MBNL1: variants seen among roughly 807,000 people sequenced by gnomAD.
The protein encoded by MBNL1 is muscleblind-like protein 1.
MBNL1 carries 8 observed loss-of-function variants against 42.2 expected under a neutral mutation model. That is an observed-to-expected ratio of 0.19 (90% CI 0.11 to 0.34). The LOEUF (loss-of-function observed/expected upper bound fraction) is 0.34, where lower values mean the gene tolerates loss of function less well. Ranked by LOEUF, MBNL1 falls within the 10% of genes least tolerant of loss-of-function variation. The probability of loss-of-function intolerance (pLI) is 1.00; values close to 1 mark genes in which losing one functional copy is unlikely to be tolerated. For synonymous variants in MBNL1, 169 were observed against 173.9 expected (o/e 0.97, Z 0.22); for missense variants, 309 against 495.3 (o/e 0.62, Z 3.57).
At chr3:152,384,392 T>C (rs895513705) in intron 2 of MBNL1, among the ~76,000 whole-genome samples, 2 of 152,200 alleles carry the variant, frequency 1.3e-5, no homozygotes, top group Admixed American at 1.3e-4. Flanking sequence ...AGAAAGATAA[T>C]TGAAAATAAA....
At chr3:152,441,444 T>A (rs1465332750) in intron 4 of MBNL1, among the ~76,000 whole-genome samples, 1 of 152,182 alleles carries the variant, frequency 6.6e-6, no homozygotes, top group African/African-American at 2.4e-5. Flanking sequence ...TTGTGAAGAT[T>A]CCTTAGCTAG....
chr3:152,303,246 A>G (rs1053578084), intron 2 of MBNL1, among the ~76,000 whole-genome samples: 2 of 152,178 alleles, frequency 1.3e-5, no homozygotes, highest in Non-Finnish European at 2.9e-5. Context: ...ATACATGACA[A>G]CGAGGAATGT....
At chr3:152,274,139 T>C (rs906387834) in intron 1 of MBNL1, among the ~76,000 whole-genome samples, 4 of 152,218 alleles carry the variant, frequency 2.6e-5, no homozygotes, top group African/African-American at 9.6e-5. Context: ...ACTGGATTTT[T>C]TCCTACGTTT....
At chr3:152,389,918 C>CTGG (rs1560409019) in intron 2 of MBNL1, among the ~76,000 whole-genome samples, 2 of 151,810 alleles carry the variant, frequency 1.3e-5, no homozygotes, top group African/African-American at 4.8e-5. Context: ...CTCTGTTGCC[C>CTGG]AGGCTGGACT....
chr3:152,447,863 G>T, intron 6 of MBNL1, 90 bp downstream of exon 6: 1 of 1,214,242 alleles, frequency 8.2e-7, no homozygotes, highest in South Asian at 1.7e-5. Flanking sequence ...AAGTTTGTTT[G>T]TAATTATAGA....
intron 1 of MBNL1, among the ~76,000 whole-genome samples, chr3:152,283,382 T>G (rs933420495): frequency 6.6e-6 from 1 of 152,146 alleles, no homozygotes; most frequent in African/African-American, 2.4e-5. Flanking sequence ...AGGACTGTTG[T>G]TGTTGTTGGT....
chr3:152,300,105 C>T lies in MBNL1; in HGVS notation c.-89C>T, dbSNP rs980523097. The stretch of plus-strand genomic sequence containing the variant: ...TGAGGGGACATTTTCATCATCAGTT[C>T]AGCTTTTTTTTTTTGGTTGTTGCTC... On this transcript the variant is annotated 5_prime_UTR_variant, in exon 2 of 10. Coordinates refer to ENST00000324210, the MANE Select transcript of MBNL1 (RefSeq NM_021038.5). The T allele has an allele frequency of 6.3e-6, 5 of 794,266 alleles. No individual in the cohort carries two copies. The highest frequency in any genetic ancestry group is 2.7e-5 in the Admixed American group (1 of 36,564). The allele number at this position is 794,266 out of a possible 1,614,324, so 49.2% of individuals were successfully genotyped here. A position where few individuals can be genotyped will look rare whatever the true frequency, so the allele number is the denominator to read the frequency against.
At chr3:152,331,633 A>G (rs770623713) in intron 2 of MBNL1, among the ~76,000 whole-genome samples, 1 of 152,208 alleles carries the variant, frequency 6.6e-6, no homozygotes, top group African/African-American at 2.4e-5. Context: ...CGGACCCAGT[A>G]AGGGTTGATG....
chr3:152,459,231 C>A, intron 8 of MBNL1, 40 bp from the exon 9 acceptor site: 3 of 1,151,728 alleles, frequency 2.6e-6, no homozygotes, highest in South Asian at 1.5e-5. Context: ...TGTTGGCTTG[C>A]TTGCATGGAT....
intron 2 of MBNL1, among the ~76,000 whole-genome samples, chr3:152,317,521 T>C (rs2072765824): frequency 6.6e-6 from 1 of 152,070 alleles, no homozygotes; most frequent in Non-Finnish European, 1.5e-5. Context: ...GGTTTCAGCA[T>C]GTTACCCAGG....
intron 1 of MBNL1, among the ~76,000 whole-genome samples, chr3:152,298,671 C>T (rs973299708): frequency 1.1e-4 from 16 of 152,146 alleles, no homozygotes; most frequent in Admixed American, 9.2e-4. Context: ...AAAGTGTCTG[C>T]GGGCTCAATG....
intron 2 of MBNL1, among the ~76,000 whole-genome samples, chr3:152,371,852 G>A (rs1191236361): frequency 5.3e-5 from 8 of 152,108 alleles, no homozygotes; most frequent in Admixed American, 3.9e-4. Context: ...GGTCTGTCTT[G>A]CTAGGTTGGG....
At chr3:152,251,980 C>T (rs2034627397) in intron 2 of MBNL1, among the ~76,000 whole-genome samples, 1 of 152,004 alleles carries the variant, frequency 6.6e-6, no homozygotes, top group African/African-American at 2.4e-5. Flanking sequence ...CAAAAGAACT[C>T]CCATCTTCAA....
chr3:152,368,257 T>A (rs1423785814), intron 2 of MBNL1, among the ~76,000 whole-genome samples: 1 of 152,344 alleles, frequency 6.6e-6, no homozygotes, highest in East Asian at 1.9e-4. Flanking sequence ...AAATCATTTA[T>A]TAAATAGGGA....
At chr3:152,450,762 A>G (rs1256014971) in intron 6 of MBNL1, among the ~76,000 whole-genome samples, 2 of 152,234 alleles carry the variant, frequency 1.3e-5, no homozygotes, top group African/African-American at 2.4e-5. Flanking sequence ...TAGCCCTGAC[A>G]TACAGTGTTG....
chr3:152,325,883 A>G (rs59660961), intron 2 of MBNL1, among the ~76,000 whole-genome samples: 2,754 of 152,134 alleles, frequency 0.018, 80 homozygotes, highest in African/African-American at 0.063. Context: ...ATATTAGAGA[A>G]ACAATATAAC....
intron 2 of MBNL1, among the ~76,000 whole-genome samples, chr3:152,343,908 A>G (rs2093778526): frequency 6.6e-6 from 1 of 152,190 alleles, no homozygotes; most frequent in South Asian, 2.1e-4. Context: ...GGAAAAATGT[A>G]TTTATAAATG....
At chr3:152,461,584 A>G (rs1157724958) in intron 9 of MBNL1, among the ~76,000 whole-genome samples, 1 of 152,206 alleles carries the variant, frequency 6.6e-6, no homozygotes, top group Non-Finnish European at 1.5e-5. Context: ...CTAAGCTTTT[A>G]ATGTTCTGTT....
intron 2 of MBNL1, among the ~76,000 whole-genome samples, chr3:152,373,217 G>A (rs1354808933): frequency 2.6e-5 from 4 of 152,148 alleles, no homozygotes; most frequent in Non-Finnish European, 5.9e-5. Context: ...CAAGCCAGTG[G>A]ATTTTAGCTT....
Sources: gnomAD v4.1 joint callset for allele counts (sites outside exome capture counted in the v4.1 genomes callset) on GRCh38, gnomAD v4.1.1 for gene constraint, MANE v1.5 for transcripts, NCBI Gene and HGNC (gene_info 2026-07-23, HGNC 2026-07-21) for gene names.